Variants in KIF16B observed in about 807,000 individuals in gnomAD.
KIF16B encodes the protein kinesin family member 16B.
A neutral mutation model predicts 156.3 loss-of-function variants in KIF16B; 98 were observed. The ratio of observed to expected loss-of-function variants is 0.63; its 90% confidence interval spans 0.53 to 0.74. The LOEUF is 0.74. Among genes scored for constraint, KIF16B ranks in the 30% least tolerant of loss-of-function variants. The pLI, the probability that KIF16B is intolerant of heterozygous loss-of-function variation, is 0.00. For synonymous variants in KIF16B, 564 were observed against 583.7 expected (o/e 0.97, Z 0.49); for missense variants, 1,421 against 1,606.5 (o/e 0.88, Z 1.97).
chr20:16,449,832 G>A (rs138175194), intron 12 of KIF16B, among the ~76,000 whole-genome samples: 69 of 152,294 alleles, frequency 4.5e-4, no homozygotes, highest in African/African-American at 1.6e-3. Flanking sequence ...GACATGACTT[G>A]CTTCAACAAA....
At chr20:16,361,083 T>C (rs992199812) in intron 22 of KIF16B, among the ~76,000 whole-genome samples, 1 of 152,210 alleles carries the variant, frequency 6.6e-6, no homozygotes, top group Admixed American at 6.5e-5. Flanking sequence ...GCTTCTGAAA[T>C]ACAGGCAAAC....
intron 1 of KIF16B, among the ~76,000 whole-genome samples, chr20:16,532,369 C>T (rs1426048345): frequency 6.6e-6 from 1 of 152,096 alleles, no homozygotes; most frequent in Non-Finnish European, 1.5e-5. Flanking sequence ...TTGCAGTAAA[C>T]ACCATTTGGG....
intron 25 of KIF16B, among the ~76,000 whole-genome samples, chr20:16,308,367 A>T (rs2063570476): frequency 1.3e-5 from 2 of 152,246 alleles, no homozygotes; most frequent in South Asian, 2.1e-4. Context: ...ATGGCATTTA[A>T]GAATAAATAA....
At chr20:16,480,131 CT>C (rs1409580556) in intron 12 of KIF16B, among the ~76,000 whole-genome samples, 1 of 152,154 alleles carries the variant, frequency 6.6e-6, no homozygotes, top group Non-Finnish European at 1.5e-5. Flanking sequence ...GCATAATATT[CT>C]GTATAGATGT....
chr20:16,503,184 C>A (rs899323200), intron 10 of KIF16B, among the ~76,000 whole-genome samples: 4 of 152,120 alleles, frequency 2.6e-5, no homozygotes, highest in Non-Finnish European at 5.9e-5. Context: ...GCACTCCAGC[C>A]TGGGCAACAC....
chr20:16,393,574 C>G (rs2065422576), intron 17 of KIF16B, among the ~76,000 whole-genome samples: 1 of 152,210 alleles, frequency 6.6e-6, no homozygotes, highest in African/African-American at 2.4e-5. Context: ...TTCACACATA[C>G]ACACATTCAG....
intron 23 of KIF16B, among the ~76,000 whole-genome samples, chr20:16,336,538 C>A (rs900927106): frequency 2.6e-5 from 4 of 152,150 alleles, no homozygotes; most frequent in African/African-American, 9.7e-5. Flanking sequence ...ACACCTAAAG[C>A]ACAGGCCAAT....
intron 22 of KIF16B, among the ~76,000 whole-genome samples, chr20:16,356,949 T>A (rs1439657260): frequency 3.3e-5 from 5 of 152,248 alleles, no homozygotes; most frequent in African/African-American, 1.2e-4. Context: ...TGTGGAAAGC[T>A]CTTTAAACCA....
At chr20:16,457,038 T>G (rs1456713872) in intron 12 of KIF16B, among the ~76,000 whole-genome samples, 1 of 152,210 alleles carries the variant, frequency 6.6e-6, no homozygotes, top group Admixed American at 6.5e-5. Flanking sequence ...CTCCAATGGC[T>G]TTTACTTACA....
Position 16,429,688 on chromosome 20 carries a change from T to C in KIF16B, c.1422+175A>G, listed in dbSNP as rs565029070. On this transcript the variant is annotated intron_variant, in intron 13 of 25. Transcript: ENST00000354981. ...CTTTAGATAACAAGGGAACTTTAAATACCAAAGAATCCCAATGAGCTTCTG... is the reference window on the plus strand; with the variant it reads ...CTTTAGATAACAAGGGAACTTTAAACACCAAAGAATCCCAATGAGCTTCTG... Among the ~76,000 whole-genome samples, 337 of 152,300 alleles carry C rather than the reference T, an allele frequency of 2.2e-3. 1 individual carries two copies. The highest frequency in any genetic ancestry group is 7.6e-3 in the African/African-American group (316 of 41,564).
chr20:16,429,750 CTTTAA>C lies in KIF16B; in HGVS notation c.1422+108_1422+112del, dbSNP rs201624514. ...AGGGCTCAAGGATTTGTTGTATATT[CTTTAA>C]TTTAATTTAGTTGTGTTCATGACCA... On this transcript the variant is annotated intron_variant, in intron 13 of 25. Coordinates refer to ENST00000354981, the MANE Select transcript of KIF16B (RefSeq NM_024704.5). 3,814 of 886,456 alleles carry C rather than the reference CTTTAA, an allele frequency of 4.3e-3. 23 individuals carry two copies. Among genetic ancestry groups the C allele is most frequent in the East Asian group, 0.02 (701 of 34,420 alleles). The allele number at this position is 886,456 out of a possible 1,614,324, so 54.9% of individuals were successfully genotyped here. A position where few individuals can be genotyped will look rare whatever the true frequency, so the allele number is the denominator to read the frequency against.
intron 12 of KIF16B, among the ~76,000 whole-genome samples, chr20:16,476,674 CTA>C (rs2067822266): frequency 6.6e-6 from 1 of 152,190 alleles, no homozygotes. Context: ...AAATTAGATT[CTA>C]AAAGATGCAG....
chr20:16,445,271 C>T (rs1445134538), intron 12 of KIF16B, among the ~76,000 whole-genome samples: 2 of 151,908 alleles, frequency 1.3e-5, no homozygotes, highest in East Asian at 3.9e-4. Context: ...GCCATTTTTC[C>T]CCAAAGAAAT....
At chr20:16,415,895 C>T (rs2066074605) in intron 15 of KIF16B, among the ~76,000 whole-genome samples, 1 of 152,106 alleles carries the variant, frequency 6.6e-6, no homozygotes, top group Non-Finnish European at 1.5e-5. Context: ...ATAGCCTGAA[C>T]AAAATGCATG....
At chr20:16,559,205 A>G (rs1480381661) in intron 1 of KIF16B, among the ~76,000 whole-genome samples, 1 of 152,060 alleles carries the variant, frequency 6.6e-6, no homozygotes, top group Non-Finnish European at 1.5e-5. Context: ...CCATCCCACC[A>G]AGAATCAAAA....
intron 12 of KIF16B, among the ~76,000 whole-genome samples, chr20:16,451,513 G>T (rs1205741147): frequency 6.8e-6 from 1 of 147,900 alleles, no homozygotes; most frequent in East Asian, 2.0e-4. Flanking sequence ...GCATTAAGTT[G>T]AAATAATTAC....
intron 1 of KIF16B, among the ~76,000 whole-genome samples, chr20:16,558,568 A>G (rs2070939296): frequency 6.6e-6 from 1 of 152,220 alleles, no homozygotes; most frequent in South Asian, 2.1e-4. Context: ...TTTACATGGC[A>G]AAAGATAAAC....
At chr20:16,448,790 GA>G (rs1278604401) in intron 12 of KIF16B, among the ~76,000 whole-genome samples, 2 of 152,054 alleles carry the variant, frequency 1.3e-5, no homozygotes, top group African/African-American at 4.8e-5. Context: ...CAAGATAGCA[GA>G]AATGAAGTGT....
At position 16,356,311 on chromosome 20, in the gene KIF16B, G is replaced by T. The variant is rs751469605; in HGVS notation, c.3621+19C>A. On this transcript the variant is annotated intron_variant, in intron 23 of 25. Coordinates refer to ENST00000354981, the MANE Select transcript of KIF16B (RefSeq NM_024704.5). ...AGTCTCCAACCTCCATTCTCCAGAA[G>T]AGTCAAGAAGACACTCACCTTGACC... 2.4e-5 allele frequency: 39 copies of T among 1,613,878 alleles called. No homozygotes were observed. The highest frequency in any genetic ancestry group is 6.7e-5 in the Admixed American group (4 of 60,020).
Sources: allele counts gnomAD v4.1 joint callset (sites outside exome capture counted in the v4.1 genomes callset), GRCh38; gene constraint gnomAD v4.1.1; transcripts MANE v1.5; gene names NCBI Gene and HGNC (gene_info 2026-07-23, HGNC 2026-07-21).